Variants in ZBTB7C observed in about 807,000 individuals in gnomAD.
The protein encoded by ZBTB7C is zinc finger and BTB domain containing 7C.
A neutral mutation model predicts 25.7 loss-of-function variants in ZBTB7C; 8 were observed. The ratio of observed to expected loss-of-function variants is 0.31; its 90% CI spans 0.18 to 0.56. The LOEUF (loss-of-function observed/expected upper bound fraction) is 0.56. Among genes scored for constraint, ZBTB7C ranks in the 20% least tolerant of loss-of-function variants. The probability of loss-of-function intolerance (pLI) is 0.91; values close to 1 mark genes in which losing one functional copy is unlikely to be tolerated. For missense variants in ZBTB7C, 824 were observed against 855.2 expected (o/e 0.96, Z 0.46); for synonymous variants, 394 against 369.0 (o/e 1.07, Z -0.78).
At chr18:48,071,030 T>C (rs1314536251) in intron 3 of ZBTB7C, among the ~76,000 whole-genome samples, 1 of 152,232 alleles carries the variant, frequency 6.6e-6, no homozygotes, top group Non-Finnish European at 1.5e-5. Context: ...AGAGAGCATG[T>C]CATACTGCTT....
intron 3 of ZBTB7C, among the ~76,000 whole-genome samples, chr18:48,064,151 C>T (rs1482353569): frequency 6.6e-6 from 1 of 152,186 alleles, no homozygotes; most frequent in East Asian, 1.9e-4. Context: ...GGAGGGCACC[C>T]CACTAAGCTC....
At chr18:48,351,057 A>C (rs1165353287) in intron 1 of ZBTB7C, among the ~76,000 whole-genome samples, 1 of 151,946 alleles carries the variant, frequency 6.6e-6, no homozygotes, top group Non-Finnish European at 1.5e-5. Flanking sequence ...AATTCATATA[A>C]GTGGAACTCA....
intron 3 of ZBTB7C, among the ~76,000 whole-genome samples, chr18:48,044,563 G>A (rs1473835689): frequency 6.6e-6 from 1 of 152,262 alleles, no homozygotes; most frequent in Non-Finnish European, 1.5e-5. Context: ...TGGATCAGAT[G>A]GGAGGCCTCA....
At chr18:48,249,787 C>T (rs1160135499) in intron 2 of ZBTB7C, among the ~76,000 whole-genome samples, 1 of 152,140 alleles carries the variant, frequency 6.6e-6, no homozygotes, top group Non-Finnish European at 1.5e-5. Context: ...ATTTACACTA[C>T]AATAGCAAGA....
intron 2 of ZBTB7C, among the ~76,000 whole-genome samples, chr18:48,292,269 C>T (rs2144692696): frequency 1.3e-5 from 2 of 152,200 alleles, no homozygotes; most frequent in Middle Eastern, 6.8e-3. Context: ...CAAGAATGTC[C>T]ATAATTCCTC....
intron 2 of ZBTB7C, among the ~76,000 whole-genome samples, chr18:48,195,101 G>A (rs1164123131): frequency 6.6e-6 from 1 of 152,186 alleles, no homozygotes; most frequent in Non-Finnish European, 1.5e-5. Context: ...GGCCCTCTTA[G>A]CTGTCTGGAC....
At chr18:48,160,281 CTTG>C (rs2144943155) in intron 3 of ZBTB7C, among the ~76,000 whole-genome samples, 1 of 152,338 alleles carries the variant, frequency 6.6e-6, no homozygotes, top group East Asian at 1.9e-4. Context: ...ATCCAGTCCT[CTTG>C]TTGAGGGCTT....
In ZBTB7C at chr18:48,039,923, G is replaced by A; in HGVS notation, c.1185C>T (p.Thr395=). ...ACCTGGTGAAGCGGACCTCGCAGAT[G>A]GTGCACATGTATGGCTTCTCCCCGG... ...THTGEKPYMC[T]ICEVRFTRQD... The change falls in exon 4 of 5, where the codon ACC becomes ACT. Residue 395 remains threonine (T), a synonymous_variant. Coordinates refer to ENST00000590800, the MANE Select transcript of ZBTB7C (RefSeq NM_001318841.2). 1 of 1,613,328 alleles carries A rather than the reference G, an allele frequency of 6.2e-7. No homozygotes were observed. Among genetic ancestry groups the A allele is most frequent in the East Asian group, 2.2e-5 (1 of 44,872 alleles).
intron 4 of ZBTB7C, among the ~76,000 whole-genome samples, chr18:48,036,618 G>C (rs956824568): frequency 6.6e-6 from 1 of 152,214 alleles, no homozygotes; most frequent in Non-Finnish European, 1.5e-5. Context: ...ATGTCCGAGA[G>C]AAGGACCTGA....
intron 3 of ZBTB7C, among the ~76,000 whole-genome samples, chr18:48,144,763 G>A (rs929295820): frequency 2.6e-5 from 4 of 152,120 alleles, no homozygotes; most frequent in African/African-American, 7.2e-5. Flanking sequence ...CTTCACTCCC[G>A]ATTGAGGGAT....
At chr18:48,093,613 A>G (rs931724155) in intron 3 of ZBTB7C, among the ~76,000 whole-genome samples, 1 of 144,092 alleles carries the variant, frequency 6.9e-6, no homozygotes, top group African/African-American at 2.6e-5. Context: ...GTGATTAAAA[A>G]AAAACAAAAA....
intron 2 of ZBTB7C, among the ~76,000 whole-genome samples, chr18:48,216,764 C>T (rs1056697804): frequency 3.9e-5 from 6 of 152,166 alleles, no homozygotes; most frequent in Admixed American, 3.9e-4. Context: ...CCCTCCTCTC[C>T]ATCCTATGGC....
intron 1 of ZBTB7C, among the ~76,000 whole-genome samples, chr18:48,383,861 GC>G (rs1426917973): frequency 6.6e-6 from 1 of 152,058 alleles, no homozygotes; most frequent in Non-Finnish European, 1.5e-5. Flanking sequence ...GGGTTGTGGT[GC>G]CTAAGTGAGG....
chr18:48,067,301 G>C (rs1032242037), intron 3 of ZBTB7C, among the ~76,000 whole-genome samples: 1 of 152,076 alleles, frequency 6.6e-6, no homozygotes, highest in Non-Finnish European at 1.5e-5. Context: ...AAACAGCAAC[G>C]GAGGAACCAG....
chr18:48,279,710 T>C (rs1466739675), intron 2 of ZBTB7C, among the ~76,000 whole-genome samples: 1 of 152,180 alleles, frequency 6.6e-6, no homozygotes, highest in East Asian at 1.9e-4. Context: ...GCCTCACTGG[T>C]GGGAGCTGCG....
chr18:48,325,781 T>C (rs935571655), intron 2 of ZBTB7C, among the ~76,000 whole-genome samples: 1 of 152,196 alleles, frequency 6.6e-6, no homozygotes. Context: ...GTAGCTCACC[T>C]GCATGACAGG....
chr18:48,140,714 G>A (rs2040313695), intron 3 of ZBTB7C, among the ~76,000 whole-genome samples: 1 of 152,178 alleles, frequency 6.6e-6, no homozygotes, highest in African/African-American at 2.4e-5. Flanking sequence ...TCATCCTAGA[G>A]GATGTGCAGA....
At chr18:48,360,134 C>T (rs1228312254) in intron 1 of ZBTB7C, among the ~76,000 whole-genome samples, 10 of 152,188 alleles carry the variant, frequency 6.6e-5, no homozygotes, top group Non-Finnish European at 1.5e-4. Context: ...AGATCCCCTG[C>T]GAGAATAACT....
intron 2 of ZBTB7C, among the ~76,000 whole-genome samples, chr18:48,275,219 C>T (rs1252271091): frequency 6.6e-6 from 1 of 152,174 alleles, no homozygotes; most frequent in African/African-American, 2.4e-5. Flanking sequence ...CTTGGGAAAA[C>T]ATATATGCAT....
Sources: gnomAD v4.1 joint callset for allele counts (sites outside exome capture counted in the v4.1 genomes callset) on GRCh38, gnomAD v4.1.1 for gene constraint, MANE v1.5 for transcripts, NCBI Gene and HGNC (gene_info 2026-07-23, HGNC 2026-07-21) for gene names.